The following ERH variants were observed in gnomAD, a reference collection of about 807,000 sequenced individuals.
ERH encodes the protein ERH mRNA splicing and mitosis factor, also known as enhancer of rudimentary homolog.
Under a neutral mutation model 16.8 loss-of-function variants are expected in ERH, and 1 was observed. That is an observed-to-expected ratio of 0.06 (90% CI 0.02 to 0.28). ERH has a LOEUF of 0.28. Among genes scored for constraint, ERH ranks in the 10% least tolerant of loss-of-function variants. The pLI is 1.00. For missense variants in ERH, 42 were observed against 127.5 expected (o/e 0.33, Z 3.23); for synonymous variants, 43 against 43.6 (o/e 0.99, Z 0.05).
At position 69,397,940 on chromosome 14, in the gene ERH, C is replaced by A. The variant is rs1162631675; in HGVS notation, c.3+291G>T. 4 of 573,974 alleles carry A rather than the reference C, an allele frequency of 7.0e-6. No individual in the cohort carries two copies. The East Asian group carries it at 1.2e-4, about 17-fold the overall frequency. 35.6% of individuals were successfully genotyped at this position (573,974 alleles called of 1,614,324 possible). On this transcript the variant is annotated intron_variant, in intron 1 of 3. Transcript: ENST00000557016. ...ATCTCAAAAAACAAAACACCTCCCC[C>A]ACGTCTCCCTCTACCGAGTAACAAT...
intron 1 of ERH, among the ~76,000 whole-genome samples, chr14:69,397,403 G>T (rs1428160866): frequency 6.6e-6 from 1 of 151,264 alleles, no homozygotes; most frequent in Non-Finnish European, 1.5e-5. Flanking sequence ...GTACAGGATC[G>T]AGGGCTGAGG....
chr14:69,389,484 GGAA>G (rs1398755041), intron 2 of ERH, among the ~76,000 whole-genome samples: 13 of 152,236 alleles, frequency 8.5e-5, no homozygotes, highest in African/African-American at 2.9e-4. Context: ...AGATTGGAAA[GGAA>G]GAAGTACAGC....
intron 2 of ERH, among the ~76,000 whole-genome samples, chr14:69,390,235 C>T (rs1437830537): frequency 6.6e-6 from 1 of 152,164 alleles, no homozygotes; most frequent in African/African-American, 2.4e-5. Context: ...CACAGAAATG[C>T]AGGAGACCCA....
chr14:69,396,279 T>A (rs1475012544), intron 1 of ERH, among the ~76,000 whole-genome samples: 2 of 152,372 alleles, frequency 1.3e-5, no homozygotes, highest in Middle Eastern at 3.4e-3. Flanking sequence ...AATTTTTTTT[T>A]GGAGACAGTT....
chr14:69,386,967 G>A lies in ERH; in HGVS notation c.208C>T (p.Leu70=). ...FIDDLADLSC[L]VYRADTQTYQ... ...GACATGTTGGCTAATACTTACACCAGGCAGCTGAGGTCTGCCAGATCATCG... is the reference window on the plus strand; with the variant it reads ...GACATGTTGGCTAATACTTACACCAAGCAGCTGAGGTCTGCCAGATCATCG... Residue 70 remains leucine, a synonymous_variant, in exon 3 of 4, where the codon CTG becomes TTG. Transcript: ENST00000557016. 1.2e-6 allele frequency: 2 copies of A among 1,613,332 alleles called. No individual in the cohort carries two copies. The highest frequency in any genetic ancestry group is 1.7e-6 in the Non-Finnish European group (2 of 1,179,864).
At chr14:69,392,878 A>G (rs1326401366) in intron 2 of ERH, among the ~76,000 whole-genome samples, 2 of 152,254 alleles carry the variant, frequency 1.3e-5, no homozygotes, top group African/African-American at 4.8e-5. Context: ...TGCAGAATCA[A>G]AGACCAAACA....
At chr14:69,395,494 A>T (rs753711053) in intron 1 of ERH, among the ~76,000 whole-genome samples, 1 of 152,052 alleles carries the variant, frequency 6.6e-6, no homozygotes, top group Non-Finnish European at 1.5e-5. Context: ...TTCCCAACTA[A>T]ATTATAAACC....
intron 3 of ERH, among the ~76,000 whole-genome samples, chr14:69,382,311 G>GTCCATGCTTCCTAATTAAATAAGC (rs1345920676): frequency 1.3e-5 from 2 of 152,120 alleles, no homozygotes; most frequent in South Asian, 2.1e-4. Flanking sequence ...AAAACTCTTT[G>GTCCATGCTTCCTAATTAAATAAGC]TCCATGCTTC....
chr14:69,398,239 C>T lies in ERH; in HGVS notation c.-6G>A. The T allele has an allele frequency of 4.3e-6, 7 of 1,614,046 alleles. No individual in the cohort carries two copies. Among genetic ancestry groups the T allele is most frequent in the Non-Finnish European group, 5.9e-6 (7 of 1,179,986 alleles). ...GCGGAGGCCTTTCTCACCATCGCGC[C>T]AAACTCTCTTCGCTACAGCAGCTGC... On this transcript the variant is annotated 5_prime_UTR_variant, in exon 1 of 4. Coordinates refer to ENST00000557016, the MANE Select transcript of ERH (RefSeq NM_004450.3).
intron 2 of ERH, among the ~76,000 whole-genome samples, chr14:69,392,486 G>A (rs1031768168): frequency 2.0e-5 from 3 of 152,178 alleles, no homozygotes; most frequent in Non-Finnish European, 4.4e-5. Flanking sequence ...TATGGAGACA[G>A]TAAAAAGACC....
intron 2 of ERH, among the ~76,000 whole-genome samples, chr14:69,388,906 G>A (rs536715566): frequency 6.6e-6 from 1 of 152,186 alleles, no homozygotes; most frequent in Non-Finnish European, 1.5e-5. Context: ...GCTTTTTATT[G>A]CTACTGGCAT....
chr14:69,380,226 G>GTA lies in ERH; in HGVS notation c.*310_*311dup, dbSNP rs2045852402. 4.3e-6 allele frequency: 1 copy of GTA among 230,464 alleles called. No homozygotes were observed. Among genetic ancestry groups the GTA allele is most frequent in the Admixed American group, 5.6e-5 (1 of 17,702 alleles). 14.3% of individuals were successfully genotyped at this position (230,464 alleles called of 1,614,324 possible). On this transcript the variant is annotated 3_prime_UTR_variant, in exon 4 of 4. Transcript: ENST00000557016. ...CCCACCCCATCTTGAAGAAGGGTTA[G>GTA]TATGTGAATGTTATAAAGTAGATAT...
intron 2 of ERH, among the ~76,000 whole-genome samples, chr14:69,394,478 C>T (rs563642653): frequency 2.8e-4 from 42 of 152,298 alleles, no homozygotes; most frequent in African/African-American, 9.9e-4. Flanking sequence ...TGCCTGTAGT[C>T]CCAGCTACTT....
At chr14:69,381,499 A>G (rs1360989594) in intron 3 of ERH, among the ~76,000 whole-genome samples, 1 of 152,158 alleles carries the variant, frequency 6.6e-6, no homozygotes, top group Admixed American at 6.5e-5. Context: ...AAGCTCCAAA[A>G]TATCTCTAAT....
intron 2 of ERH, among the ~76,000 whole-genome samples, chr14:69,389,612 A>G (rs559556442): frequency 6.6e-6 from 1 of 152,396 alleles, no homozygotes; most frequent in South Asian, 2.1e-4. Flanking sequence ...GGATTGGTAT[A>G]TGAAAATAAA....
In ERH at chr14:69,381,794, T is replaced by G. The variant is rs1461743963; in HGVS notation, c.213-1154A>C. On this transcript the variant is annotated intron_variant, in intron 3 of 3. Coordinates refer to ENST00000557016, the MANE Select transcript of ERH (RefSeq NM_004450.3). Reference sequence around the variant, plus strand: ...ACCTCTGCCACCTGGGTTCACATGATTCTCCTGCCTCAGCCTCCTGAGTAG... The same window carrying G: ...ACCTCTGCCACCTGGGTTCACATGAGTCTCCTGCCTCAGCCTCCTGAGTAG... Among the ~76,000 whole-genome samples, 11 of 152,172 alleles carry G rather than the reference T, an allele frequency of 7.2e-5. No individual in the cohort carries two copies. The East Asian group carries it at 2.1e-3, about 29-fold the overall frequency.
intron 1 of ERH, 119 bp downstream of exon 1, chr14:69,398,112 G>C: frequency 8.4e-7 from 1 of 1,188,296 alleles, no homozygotes; most frequent in African/African-American, 1.5e-5. Flanking sequence ...ACCGACTAGA[G>C]TGGCGGGGAG....
rs370043830 is a variant in ERH, at chr14:69,380,503, A to G, written c.*35T>C. 5.4e-6 allele frequency: 6 copies of G among 1,110,946 alleles called. No homozygotes were observed. In the African/African-American group the frequency reaches 7.6e-5, roughly 14 times the overall value. The allele number at this position is 1,110,946 out of a possible 1,614,324, so 68.8% of individuals were successfully genotyped here. Reference sequence around the variant, plus strand: ...GCACGCTGTACACACCTGTGTTCCAAGCCCACCCCAACCCCCCCAGTGCTT... The same window carrying G: ...GCACGCTGTACACACCTGTGTTCCAGGCCCACCCCAACCCCCCCAGTGCTT... On this transcript the variant is annotated 3_prime_UTR_variant, in exon 4 of 4. Transcript: ENST00000557016.
chr14:69,385,294 T>G (rs949068044), intron 3 of ERH, among the ~76,000 whole-genome samples: 1 of 152,198 alleles, frequency 6.6e-6, no homozygotes, highest in Non-Finnish European at 1.5e-5. Flanking sequence ...GGACACTTAA[T>G]GCATCCCTGA....
Sources: allele counts gnomAD v4.1 joint callset (sites outside exome capture counted in the v4.1 genomes callset), GRCh38; gene constraint gnomAD v4.1.1; transcripts MANE v1.5; gene names NCBI Gene and HGNC (gene_info 2026-07-23, HGNC 2026-07-21).